Variants in TMEM132A observed in about 807,000 individuals in gnomAD.
TMEM132A encodes transmembrane protein 132A.
Under a neutral mutation model 69.9 loss-of-function variants are expected in TMEM132A, and 48 were observed. That is an observed-to-expected ratio of 0.69 (90% CI 0.55 to 0.87). The LOEUF (loss-of-function observed/expected upper bound fraction) is 0.87, where lower values mean the gene tolerates loss of function less well. Ranked by LOEUF, TMEM132A falls within the 40% of genes least tolerant of loss-of-function variation. The pLI is 0.00. For missense variants in TMEM132A, 1,287 were observed against 1,407.2 expected (o/e 0.91, Z 1.37); for synonymous variants, 577 against 613.7 (o/e 0.94, Z 0.88).
At position 60,937,051 on chromosome 11, in the gene TMEM132A, C is replaced by A; in HGVS notation, c.*144C>A. The A allele has an allele frequency of 7.8e-7, 1 of 1,274,870 alleles. No homozygotes were observed. The allele number at this position is 1,274,870 out of a possible 1,614,324, so 79.0% of individuals were successfully genotyped here. The stretch of plus-strand genomic sequence containing the variant: ...CCCCCACAAGGACTCCCATCCAGGC[C>A]CCCTCTGCCCTGCCCCTTGTCATGG... On this transcript the variant is annotated 3_prime_UTR_variant, in exon 11 of 11. Transcript: ENST00000453848.
At position 60,936,089 on chromosome 11, in the gene TMEM132A, C is replaced by T; in HGVS notation, c.2254C>T (p.Arg752Cys). ...CCCGCCCGAGCCCTGCCGCCGGGGC[C>T]GCCACCGTGTGCCTCTGGCCTCTGG... ...LHPPEPCRRG[R>C]HRVPLASGTA... The change falls in exon 11 of 11, where the codon CGC (arginine) becomes TGC (cysteine). Residue 752 changes from arginine to cysteine, a missense_variant. Transcript: ENST00000453848. The T allele has an allele frequency of 5.0e-6, 8 of 1,610,014 alleles. No homozygotes were observed. Among genetic ancestry groups the T allele is most frequent in the Admixed American group, 3.3e-5 (2 of 59,834 alleles).
At chr11:60,925,911 C>T (rs1856337240) in intron 1 of TMEM132A, 1 of 152,238 alleles carries the variant, frequency 6.6e-6, no homozygotes, top group Admixed American at 6.5e-5. Flanking sequence ...ATGCCTGACC[C>T]AAGTTTCATC....
Position 60,935,442 on chromosome 11 carries a change from AG to A in TMEM132A, c.2028+1del. 1 of 1,601,188 alleles carries A rather than the reference AG, an allele frequency of 6.2e-7. No homozygotes were observed. Among genetic ancestry groups the A allele is most frequent in the Non-Finnish European group, 8.5e-7 (1 of 1,174,256 alleles). On this transcript the variant is annotated frameshift_variant and splice_region_variant, in exon 10 of 11. Coordinates refer to ENST00000453848, the MANE Select transcript of TMEM132A (RefSeq NM_178031.3). LOFTEE classifies it high-confidence loss of function. This position sits in a 1 kb window ranked among gnomAD's most constrained non-coding sequence, Gnocchi z 5.0. The stretch of plus-strand genomic sequence containing the variant: ...CAGTCAGCCCTTCCCGCCCCAAAGC[AG>A]GTGACAGTTGGGGGGTCAGGGGGAT... ...WAQSALPAPKQEVALSLWLSF... is the reference protein window; with the variant it reads ...WAQSALPAPKXEVALSLWLSF...
rs763065077 is a variant in TMEM132A, at chr11:60,927,207, A to G, written c.104A>G (p.Asp35Gly). ...VALALDVVRV[D>G]CGQAPLDPVY... ...TCTCCCTCTTATGCCTCTTCAGTGGACTGTGGCCAGGCTCCCCTGGACCCT... is the reference window on the plus strand; with the variant it reads ...TCTCCCTCTTATGCCTCTTCAGTGGGCTGTGGCCAGGCTCCCCTGGACCCT... Residue 35 changes from aspartate (D) to glycine (G), a missense_variant, in exon 2 of 11, where the codon GAC (aspartate) becomes GGC (glycine). By Grantham distance (94) the Asp-to-Gly change is moderately conservative. Coordinates refer to ENST00000453848, the MANE Select transcript of TMEM132A (RefSeq NM_178031.3). 5.6e-5 allele frequency: 90 copies of G among 1,612,132 alleles called. No individual in the cohort carries two copies. The highest frequency in any genetic ancestry group is 7.5e-5 in the Non-Finnish European group (89 of 1,179,764).
intron 9 of TMEM132A, 24 bp downstream of exon 9, chr11:60,934,788 G>A (rs1417946854): frequency 2.5e-6 from 4 of 1,576,176 alleles, no homozygotes; most frequent in Non-Finnish European, 3.5e-6. Context: ...GACCAGGAGA[G>A]TAGACCCCCT....
intron 8 of TMEM132A, chr11:60,934,063 C>T: frequency 6.5e-6 from 3 of 463,142 alleles, no homozygotes. Flanking sequence ...CCCCTTGAAG[C>T]TGCGGTCTGT....
Position 60,928,634 on chromosome 11 carries a change from C to A in TMEM132A, c.540C>A (p.Ser180=), listed in dbSNP as rs1298686218. The change falls in exon 4 of 11, where the codon TCC becomes TCA. Residue 180 remains serine (S), a synonymous_variant. Transcript: ENST00000453848. ...TAHQACRFQP[S]LGACVVELEL... ...CTGCTGTCGTGTCTTCACAGCCATC[C>A]CTGGGCGCCTGCGTGGTGGAGCTGG... 2 of 1,608,038 alleles carry A rather than the reference C, an allele frequency of 1.2e-6. No individual in the cohort carries two copies. Among genetic ancestry groups the A allele is most frequent in the Non-Finnish European group, 1.7e-6 (2 of 1,179,882 alleles).
rs1219939101 is a variant in TMEM132A at position 60,935,488 on chromosome 11, G to C, written c.2028+45G>C. ...GGGGATGAGGTCAACATCTCCAGATGGGGGCTCATGGTAGAGGGGAATGGG... is the reference window on the plus strand; with the variant it reads ...GGGGATGAGGTCAACATCTCCAGATCGGGGCTCATGGTAGAGGGGAATGGG... On this transcript the variant is annotated intron_variant, in intron 10 of 10. Transcript: ENST00000453848. The surrounding 1 kb of genome is among the most constrained non-coding windows in gnomAD (Gnocchi z 5.0). 3.3e-5 allele frequency: 51 copies of C among 1,540,490 alleles called. No homozygotes were observed. The highest frequency in any genetic ancestry group is 4.5e-5 in the Non-Finnish European group (51 of 1,136,078).
At chr11:60,927,958 G>C in intron 3 of TMEM132A, 99 bp downstream of exon 3, 1 of 1,054,904 alleles carries the variant, frequency 9.5e-7, no homozygotes. Flanking sequence ...TGGGAAGCGC[G>C]GGGGTTGTGG....
Position 60,932,041 on chromosome 11 carries a change from C to T in TMEM132A, c.1270C>T (p.Arg424Cys), listed in dbSNP as rs566097839. Reference sequence around the variant, plus strand: ...TGGAGTGCCCCAGCATGTCCCCGTGCGCCTTGTCACTGTGGACGGCGGGGG... The same window carrying T: ...TGGAGTGCCCCAGCATGTCCCCGTGTGCCTTGTCACTGTGGACGGCGGGGG... ...LTGVPQHVPV[R>C]LVTVDGGGAL... The change falls in exon 7 of 11, where the codon CGC (arginine) becomes TGC (cysteine). Residue 424 changes from arginine (R) to cysteine (C), a missense_variant. Transcript: ENST00000453848. 1.4e-5 allele frequency: 23 copies of T among 1,596,500 alleles called. No homozygotes were observed. The highest frequency in any genetic ancestry group is 8.1e-5 in the African/African-American group (6 of 74,356).
intron 3 of TMEM132A, 84 bp downstream of exon 3, chr11:60,927,943 ACTC>A (rs980119298): frequency 7.5e-5 from 93 of 1,234,462 alleles, no homozygotes; most frequent in Non-Finnish European, 1.0e-4. Context: ...GGAAACCCCC[ACTC>A]CTGGGAAGCG....
chr11:60,936,808 G>A lies in TMEM132A; in HGVS notation c.2973G>A (p.Val991=). 6.8e-6 allele frequency: 11 copies of A among 1,613,386 alleles called. No individual in the cohort carries two copies. The highest frequency in any genetic ancestry group is 9.3e-6 in the Non-Finnish European group (11 of 1,179,698). ...VGAPAVQSIL[V]AGEEDIRWVC... is the part of the protein sequence containing the mutation. ...CCCCTGCTGTGCAGTCCATCCTTGT[G>A]GCAGGCGAGGAGGACATCCGCTGGG... is the stretch of plus-strand genomic sequence containing the variant. The change falls in exon 11 of 11, where the codon GTG becomes GTA. Residue 991 remains valine, a synonymous_variant. Transcript: ENST00000453848.
intron 2 of TMEM132A, 102 bp downstream of exon 2, chr11:60,927,520 A>C (rs1856373101): frequency 1.4e-6 from 2 of 1,413,580 alleles, no homozygotes. Context: ...TGTGCTCCCC[A>C]TATTCCAGAG....
chr11:60,935,313 A>G lies in TMEM132A; in HGVS notation c.1898A>G (p.Lys633Arg), dbSNP rs1378587520. 1.2e-6 allele frequency: 2 copies of G among 1,613,148 alleles called. No individual in the cohort carries two copies. The highest frequency in any genetic ancestry group is 1.7e-6 in the Non-Finnish European group (2 of 1,179,722). ...CAGGCGCTGGCTGTGACGGACGACAAGGTCTCAGTGCTGGAGCTGAGGGTG... is the reference window on the plus strand; with the variant it reads ...CAGGCGCTGGCTGTGACGGACGACAGGGTCTCAGTGCTGGAGCTGAGGGTG... ...GEQALAVTDD[K>R]VSVLELRVQP... Residue 633 changes from lysine to arginine, a missense_variant, in exon 10 of 11, where the codon AAG becomes AGG. By Grantham distance (26) the Lys-to-Arg change is conservative. Coordinates refer to ENST00000453848, the MANE Select transcript of TMEM132A (RefSeq NM_178031.3). The surrounding 1 kb of genome is among the most constrained non-coding windows in gnomAD (Gnocchi z 5.0).
In TMEM132A at chr11:60,927,839, C is replaced by T; in HGVS notation, c.514C>T (p.His172Tyr). The change falls in exon 3 of 11, where the codon CAC (histidine) becomes TAC (tyrosine). Residue 172 changes from histidine (H) to tyrosine (Y), a missense_variant. Transcript: ENST00000453848. Reference sequence around the variant, plus strand: ...TGCCACACACCCTGCCGGCACTGCTCACCAAGCCTGCCGCTTCCAGGTGAG... The same window carrying T: ...TGCCACACACCCTGCCGGCACTGCTTACCAAGCCTGCCGCTTCCAGGTGAG... ...LHATHPAGTA[H>Y]QACRFQPSLG... 1.2e-6 allele frequency: 2 copies of T among 1,609,934 alleles called. No individual in the cohort carries two copies. The highest frequency in any genetic ancestry group is 1.7e-5 in the Admixed American group (1 of 59,976).
At chr11:60,926,956 T>G (rs1165858907) in intron 1 of TMEM132A, 1 of 579,356 alleles carries the variant, frequency 1.7e-6, no homozygotes, top group African/African-American at 1.9e-5. Context: ...CTGTGGAAAG[T>G]AGAAGGAATA....
intron 4 of TMEM132A, among the ~76,000 whole-genome samples, chr11:60,929,233 C>G (rs1856423496): frequency 6.6e-6 from 1 of 152,222 alleles, no homozygotes; most frequent in South Asian, 2.1e-4. Context: ...AACGGTCCAC[C>G]TTCAGGGCAG....
intron 5 of TMEM132A, among the ~76,000 whole-genome samples, chr11:60,931,467 G>C (rs188237748): frequency 2.3e-4 from 35 of 152,318 alleles, no homozygotes; most frequent in African/African-American, 7.0e-4. Context: ...ATGGATCTTA[G>C]AGAGGCCAAG....
At chr11:60,930,017 G>T (rs1249379691) in intron 4 of TMEM132A, among the ~76,000 whole-genome samples, 2 of 152,232 alleles carry the variant, frequency 1.3e-5, no homozygotes, top group Non-Finnish European at 2.9e-5. Context: ...AGTGGGTGCA[G>T]TAAGGGGGAA....
Sources: allele counts gnomAD v4.1 joint callset (sites outside exome capture counted in the v4.1 genomes callset), GRCh38; gene constraint gnomAD v4.1.1; non-coding constraint Gnocchi (gnomAD v3.1); transcripts MANE v1.5; gene names NCBI Gene and HGNC (gene_info 2026-07-23, HGNC 2026-07-21).